CDKAL1: variants seen among roughly 807,000 people sequenced by gnomAD.
CDKAL1 encodes threonylcarbamoyladenosine tRNA methylthiotransferase.
CDKAL1 carries 32 observed loss-of-function variants against 68.2 expected under a neutral mutation model. The ratio of observed to expected loss-of-function variants is 0.47; its 90% CI spans 0.35 to 0.63. The LOEUF is 0.63. CDKAL1 is among the 30% of genes least tolerant of loss of function. CDKAL1 has a pLI of 0.00. For synonymous variants in CDKAL1, 234 were observed against 244.3 expected, an observed-to-expected ratio of 0.96 and a Z score of 0.39; for missense variants, 606 against 696.7, an observed-to-expected ratio of 0.87 and a Z score of 1.47.
At chr6:20,877,148 C>G (rs1056115927) in intron 9 of CDKAL1, among the ~76,000 whole-genome samples, 1 of 152,068 alleles carries the variant, frequency 6.6e-6, no homozygotes, top group African/African-American at 2.4e-5. Context: ...ATGGGAAAGA[C>G]TTTTGTGGTT....
At chr6:21,052,946 T>A (rs1260036621) in intron 11 of CDKAL1, among the ~76,000 whole-genome samples, 1 of 152,224 alleles carries the variant, frequency 6.6e-6, no homozygotes, top group Admixed American at 6.5e-5. Context: ...ATGCTATCTG[T>A]CTTCAGAAAG....
At chr6:21,208,466 C>T (rs1011050240) in intron 15 of CDKAL1, among the ~76,000 whole-genome samples, 1 of 152,136 alleles carries the variant, frequency 6.6e-6, no homozygotes, top group African/African-American at 2.4e-5. Flanking sequence ...TAAGAAATGG[C>T]TTAATAATTA....
chr6:20,823,037 C>G (rs1777350601), intron 8 of CDKAL1, among the ~76,000 whole-genome samples: 1 of 152,164 alleles, frequency 6.6e-6, no homozygotes. Flanking sequence ...AACTCCTACT[C>G]TCTAATAAGC....
chr6:20,638,433 G>C (rs1768002348), intron 4 of CDKAL1, among the ~76,000 whole-genome samples: 1 of 152,096 alleles, frequency 6.6e-6, no homozygotes, highest in African/African-American at 2.4e-5. Context: ...TTAGGCCTAA[G>C]GGCCTGACAG....
chr6:20,662,234 A>C (rs986742514), intron 5 of CDKAL1, among the ~76,000 whole-genome samples: 1 of 152,176 alleles, frequency 6.6e-6, no homozygotes, highest in African/African-American at 2.4e-5. Context: ...ACATGTTACC[A>C]AAGTATTAAA....
At chr6:21,160,010 C>T (rs2151061681) in intron 13 of CDKAL1, among the ~76,000 whole-genome samples, 2 of 152,300 alleles carry the variant, frequency 1.3e-5, no homozygotes, top group Admixed American at 1.3e-4. Flanking sequence ...TGTGCAAAAA[C>T]CCTCTGTGAC....
intron 5 of CDKAL1, among the ~76,000 whole-genome samples, chr6:20,684,119 G>T (rs1770508819): frequency 6.6e-6 from 1 of 152,156 alleles, no homozygotes; most frequent in Non-Finnish European, 1.5e-5. Flanking sequence ...GGACATCTTG[G>T]TTGTTTCTAA....
chr6:20,734,286 CTCTT>C (rs1321591781), intron 5 of CDKAL1, among the ~76,000 whole-genome samples: 1 of 151,890 alleles, frequency 6.6e-6, no homozygotes, highest in Non-Finnish European at 1.5e-5. Flanking sequence ...AAGGGTACCT[CTCTT>C]TATTTAGAAA....
chr6:20,630,431 G>T (rs148606850), intron 4 of CDKAL1, among the ~76,000 whole-genome samples: 3 of 151,860 alleles, frequency 2.0e-5, no homozygotes, highest in Admixed American at 6.6e-5. Flanking sequence ...GTCTAGAAGG[G>T]TAGGGAGGTA....
Position 20,967,864 on chromosome 6 carries a change from G to A in CDKAL1, c.909+12279G>A, listed in dbSNP as rs185858648. On this transcript the variant is annotated intron_variant, in intron 10 of 15. Transcript: ENST00000274695. ...ATTTCGTCTTCATTTTTGAAGAGCA[G>A]CTTCTCTGGATACAGAATTCCTGGT... Among the ~76,000 whole-genome samples the A allele has an allele frequency of 9.3e-4, 141 of 152,262 alleles. 2 individuals are homozygous for A. The highest frequency in any genetic ancestry group is 5.8e-3 in the Admixed American group (89 of 15,300).
At chr6:20,541,963 G>A (rs1052350594) in intron 2 of CDKAL1, among the ~76,000 whole-genome samples, 1 of 152,236 alleles carries the variant, frequency 6.6e-6, no homozygotes, top group African/African-American at 2.4e-5. Context: ...TCCGGCAATT[G>A]ACAGTCTTAC....
intron 13 of CDKAL1, among the ~76,000 whole-genome samples, chr6:21,195,751 C>A (rs1285644579): frequency 6.6e-6 from 1 of 151,946 alleles, no homozygotes; most frequent in Non-Finnish European, 1.5e-5. Context: ...CTCAAGTGAT[C>A]TGCCCACCTC....
intron 11 of CDKAL1, among the ~76,000 whole-genome samples, chr6:21,027,463 T>C (rs1208821092): frequency 6.6e-6 from 1 of 152,236 alleles, no homozygotes; most frequent in East Asian, 1.9e-4. Flanking sequence ...TGGACAGTGC[T>C]ATGGTTTAAA....
intron 5 of CDKAL1, among the ~76,000 whole-genome samples, chr6:20,673,727 G>T (rs1769958067): frequency 6.6e-6 from 1 of 152,086 alleles, no homozygotes; most frequent in African/African-American, 2.4e-5. Context: ...TAAAAAACAG[G>T]AGTTGCCCTG....
intron 10 of CDKAL1, among the ~76,000 whole-genome samples, chr6:20,975,534 C>G (rs910546766): frequency 8.5e-5 from 13 of 152,156 alleles, no homozygotes; most frequent in African/African-American, 2.9e-4. Context: ...TACATAACAT[C>G]TATTCAATAA....
chr6:20,884,356 A>G (rs2150567260), intron 9 of CDKAL1, among the ~76,000 whole-genome samples: 1 of 152,346 alleles, frequency 6.6e-6, no homozygotes, highest in African/African-American at 2.4e-5. Flanking sequence ...AACATTCTCA[A>G]CATGTTAAAG....
intron 7 of CDKAL1, among the ~76,000 whole-genome samples, chr6:20,780,297 A>T (rs1386053853): frequency 6.6e-6 from 1 of 152,016 alleles, no homozygotes; most frequent in African/African-American, 2.4e-5. Flanking sequence ...CTTAATAGTG[A>T]TCTGATTTCC....
chr6:20,892,773 A>C (rs2150581450), intron 9 of CDKAL1, among the ~76,000 whole-genome samples: 1 of 152,316 alleles, frequency 6.6e-6, no homozygotes, highest in East Asian at 1.9e-4. Context: ...ATTTTGTTGC[A>C]GTATTTTCTG....
intron 15 of CDKAL1, among the ~76,000 whole-genome samples, chr6:21,221,964 G>GT (rs1779553698): frequency 6.6e-6 from 1 of 152,180 alleles, no homozygotes; most frequent in African/African-American, 2.4e-5. Flanking sequence ...AAGTCTGCAG[G>GT]TTGGGCATTC....
Sources: allele counts gnomAD v4.1 joint callset (sites outside exome capture counted in the v4.1 genomes callset), GRCh38; gene constraint gnomAD v4.1.1; transcripts MANE v1.5; gene names NCBI Gene and HGNC (gene_info 2026-07-23, HGNC 2026-07-21).